The following SASH1 variants were observed in gnomAD, a reference collection of about 807,000 sequenced individuals.
SASH1 encodes SAM and SH3 domain-containing protein 1.
In SASH1, 44 loss-of-function variants were observed where a neutral mutation model predicts 125.2. That is an observed-to-expected ratio of 0.35 (90% confidence interval 0.28 to 0.45). SASH1 has a LOEUF of 0.45. SASH1 is among the 20% of genes least tolerant of loss of function. SASH1 has a pLI of 1.00. For missense variants in SASH1, 1,426 were observed against 1,614.5 expected, an observed-to-expected ratio of 0.88 and a Z score of 2.00; for synonymous variants, 639 against 649.1, an observed-to-expected ratio of 0.98 and a Z score of 0.24.
intron 6 of SASH1, among the ~76,000 whole-genome samples, chr6:148,473,149 A>AAT (rs1778191177): frequency 6.6e-6 from 1 of 152,248 alleles, no homozygotes; most frequent in Non-Finnish European, 1.5e-5. Flanking sequence ...TTTGGAAACC[A>AAT]ATTTATGACA....
chr6:148,271,739 A>G (rs1381433159), upstream of SASH1, among the ~76,000 whole-genome samples: 2 of 152,218 alleles, frequency 1.3e-5, no homozygotes, highest in African/African-American at 2.4e-5. Context: ...TGTACAGTCC[A>G]TTGATGAACA....
chr6:148,301,339 A>G (rs1179953015), intron 1 of SASH1, among the ~76,000 whole-genome samples: 1 of 151,612 alleles, frequency 6.6e-6, no homozygotes, highest in African/African-American at 2.4e-5. Context: ...AAAAAAAAAA[A>G]AAAAAAAACT....
chr6:148,508,401 G>A (rs1779926304), intron 8 of SASH1: 6 of 878,010 alleles, frequency 6.8e-6, no homozygotes, highest in Non-Finnish European at 8.2e-6. Flanking sequence ...CCTTGTCCTG[G>A]ATTTGCTCAG....
At chr6:148,258,705 C>T in the SASH1 span, among the ~76,000 whole-genome samples, 8 of 152,322 alleles carry the variant, frequency 5.3e-5, no homozygotes, top group East Asian at 1.5e-3. Flanking sequence ...CTGTAATCAA[C>T]CAAAAGCAGA....
chr6:148,273,653 T>C (rs1484055661), intron 1 of SASH1, among the ~76,000 whole-genome samples: 1 of 151,350 alleles, frequency 6.6e-6, no homozygotes, highest in Admixed American at 6.6e-5. Context: ...AATTAAAGAG[T>C]ACAGAGGTCA....
chr6:148,329,407 G>A (rs917635732), intron 1 of SASH1, among the ~76,000 whole-genome samples: 1 of 152,154 alleles, frequency 6.6e-6, no homozygotes, highest in African/African-American at 2.4e-5. Flanking sequence ...TCCCTTAACA[G>A]GGAATTGTTT....
the SASH1 span, among the ~76,000 whole-genome samples, chr6:148,195,663 G>C: frequency 1.3e-5 from 2 of 152,202 alleles, no homozygotes; most frequent in African/African-American, 4.8e-5. Flanking sequence ...TCCCGTGAGA[G>C]AGCTAAGTCA....
the SASH1 span, among the ~76,000 whole-genome samples, chr6:148,223,226 C>A: frequency 6.6e-5 from 10 of 152,280 alleles, no homozygotes; most frequent in African/African-American, 2.4e-4. Flanking sequence ...AGGTGGGCCT[C>A]CAATCTCAGT....
intron 1 of SASH1, among the ~76,000 whole-genome samples, chr6:148,272,643 A>C (rs1187999879): frequency 6.6e-6 from 1 of 151,934 alleles, no homozygotes. Flanking sequence ...GTAGATATTT[A>C]TTTTCCCCCA....
At chr6:148,249,260 GA>G in the SASH1 span, among the ~76,000 whole-genome samples, 1 of 152,232 alleles carries the variant, frequency 6.6e-6, no homozygotes, top group Non-Finnish European at 1.5e-5. Context: ...TAATTTCCCT[GA>G]GGGGAGAAGC....
At chr6:148,437,280 A>G (rs1395899478) in intron 2 of SASH1, among the ~76,000 whole-genome samples, 1 of 152,184 alleles carries the variant, frequency 6.6e-6, no homozygotes, top group Non-Finnish European at 1.5e-5. Context: ...CAGTTGTGCA[A>G]TATTTTTACT....
chr6:148,444,070 C>T (rs1301026702), intron 4 of SASH1, among the ~76,000 whole-genome samples: 3 of 152,162 alleles, frequency 2.0e-5, no homozygotes, highest in Non-Finnish European at 4.4e-5. Flanking sequence ...TGCAGGGGCC[C>T]ACCCTTAGAA....
intron 1 of SASH1, among the ~76,000 whole-genome samples, chr6:148,333,455 T>G (rs1158709010): frequency 6.6e-6 from 1 of 152,090 alleles, no homozygotes; most frequent in Non-Finnish European, 1.5e-5. Flanking sequence ...GTAGAAGGCT[T>G]GAGGTGGGGC....
At position 148,544,192 on chromosome 6, in the gene SASH1, A is replaced by G. The variant is rs777327837; in HGVS notation, c.2722A>G (p.Thr908Ala). Residue 908 changes from threonine (T) to alanine (A), a missense_variant, in exon 18 of 20, where the codon ACT (threonine) becomes GCT (alanine). Around this residue, in one of 3 missense-constraint regions of SASH1, gnomAD observed 634 missense variants for 694.4 expected, o/e 0.91. Coordinates refer to ENST00000367467, the MANE Select transcript of SASH1 (RefSeq NM_015278.5). The surrounding 1 kb of genome is among the most constrained non-coding windows in gnomAD (Gnocchi z 6.4). ...ATTTTCTGAACCTCAGAAATTGACA[A>G]CTAAGAAACTGGAGGGCTCAATCGC... ...KRFSEPQKLT[T>A]KKLEGSIAAS... is the part of the protein sequence containing the mutation. The G allele has an allele frequency of 6.2e-7, 1 of 1,614,108 alleles. No individual in the cohort carries two copies. Among genetic ancestry groups the G allele is most frequent in the Non-Finnish European group, 8.5e-7 (1 of 1,180,014 alleles).
the SASH1 span, among the ~76,000 whole-genome samples, chr6:148,243,951 T>C: frequency 6.6e-6 from 1 of 151,792 alleles, no homozygotes; most frequent in Non-Finnish European, 1.5e-5. Flanking sequence ...GGATTTGGAG[T>C]CTCTCCTCTG....
At chr6:148,387,026 TC>T (rs2114805311) in intron 1 of SASH1, among the ~76,000 whole-genome samples, 1 of 134,866 alleles carries the variant, frequency 7.4e-6, no homozygotes, top group Non-Finnish European at 1.7e-5. Context: ...TTGCTTTCTC[TC>T]TCTCTTTCTT....
chr6:148,319,022 C>CTTCTTTT (rs1780563158), intron 1 of SASH1, among the ~76,000 whole-genome samples: 1 of 66,648 alleles, frequency 1.5e-5, no homozygotes. Context: ...CATTTATCTT[C>CTTCTTTT]TTTTTTTTTT....
Position 148,523,937 on chromosome 6 carries a change from T to C in SASH1, c.1210-1354T>C, listed in dbSNP as rs572710524. Among the ~76,000 whole-genome samples the C allele has an allele frequency of 2.0e-5, 3 of 152,026 alleles. No homozygotes were observed. The East Asian group carries it at 5.8e-4, about 29-fold the overall frequency. ...GGCTTCAAATATGATATAAGTATTA[T>C]TTTAATAATGAAGAATCTAAAGCTC... On this transcript the variant is annotated intron_variant, in intron 10 of 19. Coordinates refer to ENST00000367467, the MANE Select transcript of SASH1 (RefSeq NM_015278.5).
chr6:148,445,432 A>C (rs1181793255), intron 4 of SASH1, among the ~76,000 whole-genome samples: 1 of 152,184 alleles, frequency 6.6e-6, no homozygotes, highest in Non-Finnish European at 1.5e-5. Context: ...CACTTTTAAG[A>C]ATATTTAGAG....
Sources: allele counts gnomAD v4.1 joint callset (sites outside exome capture counted in the v4.1 genomes callset), GRCh38; gene constraint gnomAD v4.1.1; regional missense constraint gnomAD v4.1.1; non-coding constraint Gnocchi (gnomAD v3.1); transcripts MANE v1.5; gene names NCBI Gene and HGNC (gene_info 2026-07-23, HGNC 2026-07-21).